Variants in RPSA2 observed in about 807,000 individuals in gnomAD.
RPSA2 encodes ribosomal protein SA 2.
chr19:23,856,636 G>T, the RPSA2 span, among the ~76,000 whole-genome samples: 33 of 152,228 alleles, frequency 2.2e-4, no homozygotes, highest in Non-Finnish European at 3.5e-4. Flanking sequence ...GGGGGAACTT[G>T]CCCCCAGTAT....
chr19:23,849,107 T>C, the RPSA2 span, among the ~76,000 whole-genome samples: 1 of 152,230 alleles, frequency 6.6e-6, no homozygotes, highest in Non-Finnish European at 1.5e-5. Flanking sequence ...TACAAGTGTA[T>C]AAATGACAAT....
chr19:23,852,684 G>A, the RPSA2 span, among the ~76,000 whole-genome samples: 2 of 152,172 alleles, frequency 1.3e-5, no homozygotes. Context: ...TTCAGCTTGG[G>A]CGTTAGGGCC....
At chr19:23,810,160 G>A in the RPSA2 span, among the ~76,000 whole-genome samples, 1 of 152,156 alleles carries the variant, frequency 6.6e-6, no homozygotes, top group South Asian at 2.1e-4. Context: ...GTGGGAGGCC[G>A]AGGCGGGTGG....
the RPSA2 span, among the ~76,000 whole-genome samples, chr19:23,866,931 C>T: frequency 7.4e-3 from 1,128 of 152,238 alleles, 17 homozygotes; most frequent in African/African-American, 0.026. Flanking sequence ...GAGTAGTTGA[C>T]TCTGGTTAAG....
the RPSA2 span, among the ~76,000 whole-genome samples, chr19:23,848,441 G>T: frequency 1.3e-5 from 2 of 152,276 alleles, no homozygotes; most frequent in African/African-American, 4.8e-5. Flanking sequence ...GGAGCCCCTG[G>T]TAGACTTAAT....
the RPSA2 span, among the ~76,000 whole-genome samples, chr19:23,862,230 A>G: frequency 8.4e-3 from 1,273 of 152,198 alleles, 19 homozygotes; most frequent in South Asian, 0.015. Flanking sequence ...TTGATTTTGT[A>G]TCCTGAGACA....
the RPSA2 span, among the ~76,000 whole-genome samples, chr19:23,843,605 A>C: frequency 6.6e-6 from 1 of 152,178 alleles, no homozygotes; most frequent in Non-Finnish European, 1.5e-5. Flanking sequence ...TTTTTGAGAA[A>C]CTGCATGTTA....
the RPSA2 span, among the ~76,000 whole-genome samples, chr19:23,798,598 G>GA: frequency 6.6e-6 from 1 of 151,738 alleles, no homozygotes; most frequent in Non-Finnish European, 1.5e-5. Flanking sequence ...TACAGTTACA[G>GA]AAATTTTTTA....
the RPSA2 span, among the ~76,000 whole-genome samples, chr19:23,773,163 C>G: frequency 1.3e-5 from 2 of 151,616 alleles, no homozygotes; most frequent in African/African-American, 4.8e-5. Context: ...GTGGCACGAT[C>G]TCAGCTCACT....
At chr19:23,812,543 G>A in the RPSA2 span, among the ~76,000 whole-genome samples, 1 of 151,984 alleles carries the variant, frequency 6.6e-6, no homozygotes, top group African/African-American at 2.4e-5. Context: ...TTACAGGCAT[G>A]TGCCACCAGG....
the RPSA2 span, among the ~76,000 whole-genome samples, chr19:23,839,191 A>G: frequency 1.3e-5 from 2 of 152,090 alleles, no homozygotes; most frequent in African/African-American, 2.4e-5. Context: ...TTTGTTTTTA[A>G]CGCAATGCTC....
chr19:23,857,069 T>C, the RPSA2 span, among the ~76,000 whole-genome samples: 54 of 152,276 alleles, frequency 3.5e-4, no homozygotes, highest in East Asian at 9.6e-3. Flanking sequence ...CTCAATCGCA[T>C]AGAACAGACA....
chr19:23,797,581 T>TA, the RPSA2 span, among the ~76,000 whole-genome samples: 3 of 138,344 alleles, frequency 2.2e-5, no homozygotes, highest in East Asian at 6.5e-4. Context: ...AAGAGTTCTG[T>TA]AGATGTCTAT....
At chr19:23,818,971 G>A in the RPSA2 span, 62,425 of 151,914 alleles carry the variant, frequency 0.41, 13,266 homozygotes, top group South Asian at 0.58. Flanking sequence ...CGTATTGTCA[G>A]TGCAGTGGGG....
At chr19:23,832,628 G>C in the RPSA2 span, 1 of 1,420,996 alleles carries the variant, frequency 7.0e-7, no homozygotes, top group South Asian at 1.2e-5. Flanking sequence ...TACTGGGAGA[G>C]ACCCTACAAA....
the RPSA2 span, among the ~76,000 whole-genome samples, chr19:23,854,795 G>A: frequency 6.6e-6 from 1 of 152,174 alleles, no homozygotes; most frequent in African/African-American, 2.4e-5. Flanking sequence ...ATCCTTCGTG[G>A]CCCATGCCCA....
the RPSA2 span, chr19:23,782,172 C>T: frequency 6.6e-6 from 1 of 152,256 alleles, no homozygotes; most frequent in African/African-American, 2.4e-5. Flanking sequence ...TATGTCTTCA[C>T]CAATCACCCT....
the RPSA2 span, among the ~76,000 whole-genome samples, chr19:23,806,865 T>C: frequency 6.6e-6 from 1 of 151,894 alleles, no homozygotes; most frequent in Non-Finnish European, 1.5e-5. Context: ...AAAGTCACTA[T>C]TAAAAATTGT....
the RPSA2 span, among the ~76,000 whole-genome samples, chr19:23,823,383 G>T: frequency 3.3e-5 from 5 of 152,036 alleles, no homozygotes; most frequent in Non-Finnish European, 5.9e-5. Flanking sequence ...TTACTAAATT[G>T]TGGGGCACCT....
Sources: allele counts gnomAD v4.1 joint callset (sites outside exome capture counted in the v4.1 genomes callset), GRCh38; gene constraint gnomAD v4.1.1; transcripts MANE v1.5; gene names NCBI Gene and HGNC (gene_info 2026-07-23, HGNC 2026-07-21).